The following DQX1 variants were observed in gnomAD, a reference collection of about 807,000 sequenced individuals.
DQX1 encodes DEAQ-box RNA dependent ATPase 1, also known as ATP-dependent RNA helicase homolog DQX1.
DQX1 carries 66 observed loss-of-function variants against 81.3 expected under a neutral mutation model. That is an observed-to-expected ratio of 0.81 (90% CI 0.67 to 1.00). The LOEUF is 1.00. Ranked by LOEUF, DQX1 falls within the 50% of genes least tolerant of loss-of-function variation. The probability of loss-of-function intolerance (pLI) is 0.00; values close to 1 mark genes in which losing one functional copy is unlikely to be tolerated. For missense variants in DQX1, 798 were observed against 867.9 expected (o/e 0.92, Z 1.01); for synonymous variants, 290 against 350.0 (o/e 0.83, Z 1.91).
chr2:74,525,971 AC>A lies in DQX1; in HGVS notation c.-20+164del, dbSNP rs1351388367. Among the ~76,000 whole-genome samples, 2 of 152,184 alleles carry A rather than the reference AC, an allele frequency of 1.3e-5. No individual in the cohort carries two copies. Among genetic ancestry groups the A allele is most frequent in the African/African-American group, 2.4e-5 (1 of 41,434 alleles). ...TAGTAGAAATCTACCTGAGACTATT[AC>A]CCCGTTGGCAGGTAGTAGAAATCTT... On this transcript the variant is annotated intron_variant, in intron 1 of 11. Coordinates refer to ENST00000404568, the MANE Select transcript of DQX1 (RefSeq NM_133637.3). The surrounding 1 kb of genome is among the most constrained non-coding windows in gnomAD (Gnocchi z 4.1).
In DQX1 at chr2:74,524,103, G is replaced by T. The variant is rs1675111233; in HGVS notation, c.636C>A (p.Leu212=). 2 of 1,614,138 alleles carry T rather than the reference G, an allele frequency of 1.2e-6. No homozygotes were observed. Among genetic ancestry groups the T allele is most frequent in the East Asian group, 4.5e-5 (2 of 44,874 alleles). The change falls in exon 4 of 12, where the codon CTC becomes CTA. Residue 212 remains leucine, a synonymous_variant. Coordinates refer to ENST00000404568, the MANE Select transcript of DQX1 (RefSeq NM_133637.3). ...TAGGAGGATTGCCCCAGAAAGCTCG[G>T]AGCTTAGGTTCAAGGGCTGGGTCAG... The part of the protein sequence containing the change: ...VVTDPALEPK[L]RAFWGNPPIV...
rs1675146532 is a variant in DQX1 at position 74,525,383 on chromosome 2, C to T, written c.237+110G>A. Reference sequence around the variant, plus strand: ...TTCGTTCACCTTCCTCATGACCCCACGCAGCCCAGTCCCCCCTTGCCCAGG... The same window carrying T: ...TTCGTTCACCTTCCTCATGACCCCATGCAGCCCAGTCCCCCCTTGCCCAGG... On this transcript the variant is annotated intron_variant, in intron 2 of 11. Coordinates refer to ENST00000404568, the MANE Select transcript of DQX1 (RefSeq NM_133637.3). This position sits in a 1 kb window ranked among gnomAD's most constrained non-coding sequence, Gnocchi z 4.1. 5.4e-6 allele frequency: 7 copies of T among 1,307,492 alleles called. No homozygotes were observed. Among genetic ancestry groups the T allele is most frequent in the African/African-American group, 2.9e-5 (2 of 67,974 alleles). The allele number at this position is 1,307,492 out of a possible 1,614,324, so 81.0% of individuals were successfully genotyped here.
chr2:74,523,435 C>G lies in DQX1; in HGVS notation c.919G>C (p.Ala307Pro), dbSNP rs781401427. 1 of 1,614,150 alleles carries G rather than the reference C, an allele frequency of 6.2e-7. No individual in the cohort carries two copies. Among genetic ancestry groups the G allele is most frequent in the Admixed American group, 1.7e-5 (1 of 60,018 alleles). The change falls in exon 5 of 12, where the codon GCC becomes CCC. Residue 307 changes from alanine (A) to proline (P), a missense_variant. Transcript: ENST00000404568. Reference protein sequence around the residue: ...VLPLHPDCGRAVQAVYEDMDA... With the variant: ...VLPLHPDCGRPVQAVYEDMDA... ...ATGTCCTCATACACAGCCTGAACGG[C>G]TCGTCCACAGTCTGGGTGAAGGGGC... is the stretch of plus-strand genomic sequence containing the variant.
intron 11 of DQX1, 94 bp from the exon 12 acceptor site, chr2:74,518,696 G>T: frequency 8.1e-7 from 1 of 1,229,786 alleles, no homozygotes; most frequent in South Asian, 1.4e-5. Flanking sequence ...ACCTGGGCTG[G>T]AGTTCAGTGG....
intron 3 of DQX1, 110 bp downstream of exon 3, chr2:74,524,897 TAA>T (rs761494694): frequency 2.3e-6 from 3 of 1,319,674 alleles, no homozygotes; most frequent in Non-Finnish European, 3.1e-6. Context: ...ATAAATAAAA[TAA>T]AAAAGAGTGA....
chr2:74,525,475 C>T lies in DQX1; in HGVS notation c.237+18G>A, dbSNP rs752207668. 2 of 1,550,502 alleles carry T rather than the reference C, an allele frequency of 1.3e-6. No individual in the cohort carries two copies. The highest frequency in any genetic ancestry group is 8.7e-7 in the Non-Finnish European group (1 of 1,146,278). Reference sequence around the variant, plus strand: ...GTCCACTCCCAGAATCTGCCTGCCCCCACAACCCCCACCACACCTGGGTGC... The same window carrying T: ...GTCCACTCCCAGAATCTGCCTGCCCTCACAACCCCCACCACACCTGGGTGC... On this transcript the variant is annotated intron_variant, in intron 2 of 11. Transcript: ENST00000404568. The surrounding 1 kb of genome is among the most constrained non-coding windows in gnomAD (Gnocchi z 4.1).
intron 11 of DQX1, 71 bp from the exon 12 acceptor site, chr2:74,518,673 G>A: frequency 2.0e-6 from 3 of 1,476,070 alleles, no homozygotes; most frequent in Non-Finnish European, 2.8e-6. Flanking sequence ...TAGAGACAGG[G>A]TCTCGCTCTG....
At chr2:74,520,873 A>G (rs918473208) in intron 8 of DQX1, among the ~76,000 whole-genome samples, 5 of 151,850 alleles carry the variant, frequency 3.3e-5, no homozygotes, top group African/African-American at 9.7e-5. Flanking sequence ...GGTCTCTCCT[A>G]TGTTGCCCAG....
At chr2:74,521,798 C>T (rs1675036215) in intron 8 of DQX1, among the ~76,000 whole-genome samples, 1 of 144,512 alleles carries the variant, frequency 6.9e-6, no homozygotes. Flanking sequence ...TCCCTCTCTC[C>T]CCCTCTCCCC....
rs780765276 is a variant in DQX1, at chr2:74,523,291, A to C, written c.1044+19T>G. On this transcript the variant is annotated intron_variant, in intron 5 of 11. Coordinates refer to ENST00000404568, the MANE Select transcript of DQX1 (RefSeq NM_133637.3). The stretch of plus-strand genomic sequence containing the variant: ...TTTCTGTCTTTACTACCCCACCGCT[A>C]TCTCTCTCTCTCACTCACACTTCGG... The C allele has an allele frequency of 9.9e-6, 16 of 1,613,494 alleles. No individual in the cohort carries two copies. The highest frequency in any genetic ancestry group is 6.7e-5 in the African/African-American group (5 of 74,822).
chr2:74,523,808 T>G, intron 4 of DQX1, 115 bp downstream of exon 4: 1 of 1,392,554 alleles, frequency 7.2e-7, no homozygotes, highest in Non-Finnish European at 9.5e-7. Flanking sequence ...AACTCTACTG[T>G]TCCTAAGAGG....
intron 11 of DQX1, 71 bp from the exon 12 acceptor site, chr2:74,518,673 G>T (rs2104332382): frequency 6.8e-7 from 1 of 1,476,068 alleles, no homozygotes; most frequent in South Asian, 1.2e-5. Context: ...TAGAGACAGG[G>T]TCTCGCTCTG....
In DQX1 at chr2:74,519,600, G is replaced by A. The variant is rs745440948; in HGVS notation, c.1762C>T (p.Arg588Cys). The A allele has an allele frequency of 1.7e-5, 28 of 1,614,186 alleles. No homozygotes were observed. The highest frequency in any genetic ancestry group is 8.3e-5 in the Admixed American group (5 of 60,024). The part of the protein sequence containing the change: ...SLPAFGSEQN[R>C]RDLQKALVSG... ...ACCAGTGCTTTCTGAAGGTCTCTGCGATTCTGCTCAGAGCCAAAGGCTGGT... is the reference window on the plus strand; with the variant it reads ...ACCAGTGCTTTCTGAAGGTCTCTGCAATTCTGCTCAGAGCCAAAGGCTGGT... The change falls in exon 10 of 12, where the codon CGC becomes TGC. Residue 588 changes from arginine (R) to cysteine (C), a missense_variant. Physicochemically the swap from Arg to Cys is radical, Grantham distance 180. Transcript: ENST00000404568.
At chr2:74,519,767 GCTAAA>G (rs983831139) in intron 9 of DQX1, 21 bp from the exon 10 acceptor site, 5 of 1,613,304 alleles carry the variant, frequency 3.1e-6, no homozygotes, top group Non-Finnish European at 4.2e-6. Context: ...AAAGGGACCA[GCTAAA>G]CTAAAGTCCT....
rs1350532411 is a variant in DQX1 at position 74,522,950 on chromosome 2, G to A, written c.1209C>T (p.Pro403=). The change falls in exon 7 of 12, where the codon CCC becomes CCT. Residue 403 remains proline, a synonymous_variant. Transcript: ENST00000404568. ...AGCTCAGATTCTCCTCACACACCCT[G>A]GGTTGTGGCAATGGTGGAGCTTCTA... The part of the protein sequence containing the change: ...LELEAPPLPQ[P]RVCEENLSSL... 1 of 1,614,044 alleles carries A rather than the reference G, an allele frequency of 6.2e-7. No homozygotes were observed. Among genetic ancestry groups the A allele is most frequent in the African/African-American group, 1.3e-5 (1 of 74,926 alleles).
chr2:74,523,330 A>G lies in DQX1; in HGVS notation c.1024T>C (p.Ser342Pro), dbSNP rs1387936316. ...SLPSIQHVID[S>P]GLELRSVYNP... ...CTCACACTTCGGAGCTCCAGTCCTG[A>G]GTCGATGACATGTTGGATGGAAGGG... Residue 342 changes from serine to proline, a missense_variant, in exon 5 of 12, where the codon TCA (serine) becomes CCA (proline). Ser to Pro is a moderately conservative substitution (Grantham distance 74, BLOSUM62 -1). Transcript: ENST00000404568. 6.2e-6 allele frequency: 10 copies of G among 1,614,044 alleles called. No individual in the cohort carries two copies. Among genetic ancestry groups the G allele is most frequent in the African/African-American group, 1.3e-5 (1 of 74,906 alleles).
intron 8 of DQX1, 133 bp downstream of exon 8, chr2:74,522,447 G>A: frequency 3.7e-6 from 4 of 1,091,720 alleles, no homozygotes; most frequent in South Asian, 1.6e-5. Flanking sequence ...GGGTGACTAA[G>A]CCTGGTTCTT....
Position 74,522,839 on chromosome 2 carries a change from G to A in DQX1, c.1303+17C>T, listed in dbSNP as rs767765043. The A allele has an allele frequency of 2.5e-6, 4 of 1,612,544 alleles. No homozygotes were observed. In the South Asian group the frequency reaches 3.3e-5, roughly 13 times the overall value. On this transcript the variant is annotated intron_variant, in intron 7 of 11. Coordinates refer to ENST00000404568, the MANE Select transcript of DQX1 (RefSeq NM_133637.3). ...TGGGTGGTCAGATGGCAGTGCTTGG[G>A]CAGGAGAGGTGCTCACCAGGCTGGT...
rs779621715 is a variant in DQX1 at position 74,519,717 on chromosome 2, G to A, written c.1645C>T (p.Arg549Ter). 3.7e-6 allele frequency: 6 copies of A among 1,614,030 alleles called. No homozygotes were observed. Among genetic ancestry groups the A allele is most frequent in the Non-Finnish European group, 2.5e-6 (3 of 1,180,022 alleles). The change falls in exon 10 of 12, where the codon CGA becomes TGA. Residue 549 changes from arginine to a stop codon, truncating the protein, a stop_gained. Coordinates refer to ENST00000404568, the MANE Select transcript of DQX1 (RefSeq NM_133637.3). LOFTEE classifies it high-confidence loss of function. The stretch of plus-strand genomic sequence containing the variant: ...CACAATGCTGCCCAATTCAGACCTC[G>A]AGCCTGGCACCAAGCCTCATCTGCT... ...SGADEAWCQA[R>*]GLNWAALCQA...
Sources: allele counts gnomAD v4.1 joint callset (sites outside exome capture counted in the v4.1 genomes callset), GRCh38; gene constraint gnomAD v4.1.1; non-coding constraint Gnocchi (gnomAD v3.1); transcripts MANE v1.5; gene names NCBI Gene and HGNC (gene_info 2026-07-23, HGNC 2026-07-21).